Variants in VSTM5 observed in about 807,000 individuals in gnomAD.
VSTM5 encodes the protein V-set and transmembrane domain containing 5.
A neutral mutation model predicts 20.3 loss-of-function variants in VSTM5; 21 were observed. The observed-to-expected ratio is 1.03, with a 90% CI of 0.73 to 1.49. VSTM5 has a LOEUF of 1.49. VSTM5 is among the 40% of genes most tolerant of loss of function. The probability of loss-of-function intolerance (pLI) is 0.00; values close to 1 mark genes in which losing one functional copy is unlikely to be tolerated. For synonymous variants in VSTM5, 100 were observed against 102.5 expected, an observed-to-expected ratio of 0.98 and a Z score of 0.14; for missense variants, 219 against 250.0, an observed-to-expected ratio of 0.88 and a Z score of 0.84.
chr11:93,830,712 C>G (rs190699339), intron 1 of VSTM5, among the ~76,000 whole-genome samples: 7 of 151,624 alleles, frequency 4.6e-5, no homozygotes, highest in African/African-American at 1.7e-4. Context: ...TGCTGAGAGT[C>G]AAACAGCTAG....
rs542902281 is a variant in VSTM5, at chr11:93,822,702, C to A, written c.92-1379G>T. Among the ~76,000 whole-genome samples the A allele has an allele frequency of 3.9e-5, 6 of 151,992 alleles. No homozygotes were observed. In the East Asian group the frequency reaches 1.2e-3, roughly 29 times the overall value. ...ATGGGGTTTTGTCATGTTGGCCAGG[C>A]TGGTCTTGAACTCCTGGCCTCAATT... On this transcript the variant is annotated intron_variant, in intron 1 of 3. Coordinates refer to ENST00000409977, the MANE Select transcript of VSTM5 (RefSeq NM_001144871.2).
chr11:93,820,650 G>A (rs1441278465), intron 3 of VSTM5, 38 bp from the exon 4 acceptor site: 1 of 1,551,554 alleles, frequency 6.4e-7, no homozygotes, highest in Non-Finnish European at 8.7e-7. Context: ...TGGAAATCAA[G>A]CCACATAGTG....
intron 1 of VSTM5, among the ~76,000 whole-genome samples, chr11:93,823,289 AT>A (rs1321055321): frequency 4.0e-5 from 6 of 151,714 alleles, no homozygotes; most frequent in African/African-American, 1.5e-4. Flanking sequence ...GAGTGTTGGG[AT>A]TACAAGTGTG....
Position 93,819,767 on chromosome 11 carries a change from G to C in VSTM5, c.*802C>G, listed in dbSNP as rs1469467528. 6.6e-6 allele frequency: 1 copy of C among 152,244 alleles called. No homozygotes were observed. The highest frequency in any genetic ancestry group is 2.4e-5 in the African/African-American group (1 of 41,448). 9.4% of individuals were successfully genotyped at this position (152,244 alleles called of 1,614,324 possible). A position where few individuals can be genotyped will look rare whatever the true frequency, so the allele number is the denominator to read the frequency against. ...ACAGGTGGCATCCAGCTCGTCAGGA[G>C]GCCAGGTGCTGCCCATAATGGAGAT... is the stretch of plus-strand genomic sequence containing the variant. On this transcript the variant is annotated 3_prime_UTR_variant, in exon 4 of 4. Coordinates refer to ENST00000409977, the MANE Select transcript of VSTM5 (RefSeq NM_001144871.2).
intron 1 of VSTM5, among the ~76,000 whole-genome samples, chr11:93,841,834 G>A (rs970409275): frequency 6.6e-6 from 1 of 152,184 alleles, no homozygotes; most frequent in Admixed American, 6.5e-5. Flanking sequence ...CAGAACCAGG[G>A]TCAATGGATC....
chr11:93,849,061 G>C (rs1445214413), intron 1 of VSTM5, among the ~76,000 whole-genome samples: 1 of 152,164 alleles, frequency 6.6e-6, no homozygotes, highest in African/African-American at 2.4e-5. Flanking sequence ...GTTCTAGCCA[G>C]AGAGGTGTAA....
intron 1 of VSTM5, among the ~76,000 whole-genome samples, chr11:93,838,680 C>T (rs1399108188): frequency 6.6e-6 from 1 of 151,626 alleles, no homozygotes; most frequent in East Asian, 1.9e-4. Flanking sequence ...GCCTGTGTTC[C>T]CAGCTACTGG....
chr11:93,822,955 T>C (rs966829803), intron 1 of VSTM5, among the ~76,000 whole-genome samples: 1 of 152,208 alleles, frequency 6.6e-6, no homozygotes, highest in African/African-American at 2.4e-5. Context: ...TTCATATACA[T>C]TCTGTTAACC....
intron 1 of VSTM5, among the ~76,000 whole-genome samples, chr11:93,840,172 C>G (rs1036018103): frequency 3.9e-5 from 6 of 152,184 alleles, no homozygotes; most frequent in African/African-American, 1.4e-4. Flanking sequence ...TAGCAAATGC[C>G]CTTCTGTGGC....
At chr11:93,845,471 G>A (rs1253221509) in intron 1 of VSTM5, among the ~76,000 whole-genome samples, 3 of 152,176 alleles carry the variant, frequency 2.0e-5, no homozygotes, top group Non-Finnish European at 4.4e-5. Context: ...ACTGTCCAGT[G>A]TGTCATTTTT....
intron 1 of VSTM5, among the ~76,000 whole-genome samples, chr11:93,822,575 T>A (rs1944197281): frequency 6.6e-6 from 1 of 152,158 alleles, no homozygotes; most frequent in South Asian, 2.1e-4. Context: ...CTCCGCCTCT[T>A]GGGTTCCAGT....
At chr11:93,833,971 A>G (rs1591399952) in intron 1 of VSTM5, among the ~76,000 whole-genome samples, 1 of 151,540 alleles carries the variant, frequency 6.6e-6, no homozygotes, top group African/African-American at 2.4e-5. Flanking sequence ...TTCCCAATCC[A>G]TCTTCCTCAC....
At chr11:93,825,729 G>GTT (rs954154470) in intron 1 of VSTM5, among the ~76,000 whole-genome samples, 1 of 146,682 alleles carries the variant, frequency 6.8e-6, no homozygotes, top group Non-Finnish European at 1.5e-5. Context: ...AATGGGACAG[G>GTT]TTTTTTTTTT....
chr11:93,840,061 T>C (rs1028774856), intron 1 of VSTM5, among the ~76,000 whole-genome samples: 6 of 152,172 alleles, frequency 3.9e-5, no homozygotes, highest in Admixed American at 2.6e-4. Context: ...GAATAGTCCC[T>C]CTTACAGGCC....
chr11:93,826,443 G>T (rs1168471030), intron 1 of VSTM5, among the ~76,000 whole-genome samples: 3 of 151,508 alleles, frequency 2.0e-5, no homozygotes, highest in Admixed American at 2.0e-4. Flanking sequence ...TGTTGCCCAG[G>T]CTGGAGTGCA....
At chr11:93,836,181 A>G (rs1306194062) in intron 1 of VSTM5, among the ~76,000 whole-genome samples, 7 of 152,176 alleles carry the variant, frequency 4.6e-5, no homozygotes, top group African/African-American at 1.7e-4. Context: ...TTCTTCTACC[A>G]TCACCCTAGT....
intron 1 of VSTM5, among the ~76,000 whole-genome samples, chr11:93,839,409 C>G (rs1324128788): frequency 6.6e-6 from 1 of 152,214 alleles, no homozygotes. Context: ...TGGCAGGTAC[C>G]TCTACTTCCC....
chr11:93,830,792 A>G (rs2226872), intron 1 of VSTM5, among the ~76,000 whole-genome samples: 6,918 of 149,126 alleles, frequency 0.046, 498 homozygotes, highest in African/African-American at 0.16. Flanking sequence ...AGGTCTCACT[A>G]CTGAGGCTGG....
At chr11:93,832,746 G>A (rs1944292855) in intron 1 of VSTM5, among the ~76,000 whole-genome samples, 1 of 152,156 alleles carries the variant, frequency 6.6e-6, no homozygotes, top group African/African-American at 2.4e-5. Flanking sequence ...TTGCTTATTT[G>A]ATCACTACTT....
Sources: gnomAD v4.1 joint callset for allele counts (sites outside exome capture counted in the v4.1 genomes callset) on GRCh38, gnomAD v4.1.1 for gene constraint, MANE v1.5 for transcripts, NCBI Gene and HGNC (gene_info 2026-07-23, HGNC 2026-07-21) for gene names.